SORCS3: variants seen among roughly 807,000 people sequenced by gnomAD.
SORCS3 encodes VPS10 domain-containing receptor SorCS3.
Under a neutral mutation model 146.3 loss-of-function variants are expected in SORCS3, and 57 were observed. The observed-to-expected ratio is 0.39, with a 90% confidence interval of 0.31 to 0.49. SORCS3 has a LOEUF of 0.49. Among genes scored for constraint, SORCS3 ranks in the 20% least tolerant of loss-of-function variants. SORCS3 has a pLI of 0.92. For synonymous variants in SORCS3, 653 were observed against 618.5 expected (o/e 1.06, Z -0.83); for missense variants, 1,341 against 1,575.5 (o/e 0.85, Z 2.52).
At chr10:104,767,290 G>T (rs1436859848) in intron 1 of SORCS3, among the ~76,000 whole-genome samples, 2 of 152,184 alleles carry the variant, frequency 1.3e-5, no homozygotes, top group Non-Finnish European at 2.9e-5. Context: ...AATCTGTGCT[G>T]CAGCAATGGA....
intron 25 of SORCS3, among the ~76,000 whole-genome samples, chr10:105,259,544 C>T (rs149625054): frequency 4.6e-5 from 7 of 152,280 alleles, no homozygotes; most frequent in South Asian, 2.1e-4. Flanking sequence ...CCTGGCCTCT[C>T]GCAGGCTCTC....
intron 1 of SORCS3, among the ~76,000 whole-genome samples, chr10:104,710,170 G>A (rs776765522): frequency 2.0e-5 from 3 of 152,112 alleles, no homozygotes; most frequent in South Asian, 2.1e-4. Flanking sequence ...GACAGCCAAC[G>A]TCTTCCCATC....
intron 4 of SORCS3, among the ~76,000 whole-genome samples, chr10:105,026,015 A>G (rs945750951): frequency 1.3e-5 from 2 of 151,960 alleles, no homozygotes; most frequent in Non-Finnish European, 2.9e-5. Flanking sequence ...TTTCTCTCAA[A>G]CCCAACTTCA....
At chr10:105,243,487 C>T (rs1203957096) in intron 20 of SORCS3, among the ~76,000 whole-genome samples, 1 of 152,154 alleles carries the variant, frequency 6.6e-6, no homozygotes, top group East Asian at 1.9e-4. Flanking sequence ...CTTCTCCAAA[C>T]AGGACCATAA....
intron 3 of SORCS3, among the ~76,000 whole-genome samples, chr10:104,938,286 G>A (rs2133615999): frequency 6.6e-6 from 1 of 152,250 alleles, no homozygotes; most frequent in Middle Eastern, 3.4e-3. Flanking sequence ...AGGGAGGAAT[G>A]TTTTTCAGGG....
chr10:105,212,385 A>C (rs1303657810), intron 17 of SORCS3, among the ~76,000 whole-genome samples: 1 of 152,222 alleles, frequency 6.6e-6, no homozygotes, highest in East Asian at 1.9e-4. Flanking sequence ...GTGGTGTCAG[A>C]GAATAAAGTG....
chr10:104,990,369 A>AT (rs1256210866), intron 4 of SORCS3, among the ~76,000 whole-genome samples: 3 of 151,952 alleles, frequency 2.0e-5, no homozygotes, highest in Non-Finnish European at 4.4e-5. Flanking sequence ...AATGGGTTTT[A>AT]TTTTTTCATC....
chr10:104,735,456 G>GTTTTTTTT (rs56203751), intron 1 of SORCS3, among the ~76,000 whole-genome samples: 684 of 34,924 alleles, frequency 0.02, 116 homozygotes, highest in African/African-American at 0.072. Flanking sequence ...CTCACCGTCT[G>GTTTTTTTT]TTTTTTTTTT....
chr10:105,043,046 G>T lies in SORCS3; in HGVS notation c.955-9G>T, dbSNP rs368885423. ...TTGAGACTTACATTCTCACTTCATT[G>T]TTTTGCAGCTCTACAGCTCCATGGA... On this transcript the variant is annotated splice_polypyrimidine_tract_variant and intron_variant, in intron 4 of 26. Transcript: ENST00000369701. The T allele has an allele frequency of 1.2e-6, 2 of 1,613,162 alleles. No individual in the cohort carries two copies. The highest frequency in any genetic ancestry group is 1.7e-6 in the Non-Finnish European group (2 of 1,179,376).
At chr10:104,682,663 G>A (rs1267410056) in intron 1 of SORCS3, among the ~76,000 whole-genome samples, 1 of 152,172 alleles carries the variant, frequency 6.6e-6, no homozygotes, top group Non-Finnish European at 1.5e-5. Flanking sequence ...AAGAGGTTGG[G>A]GGCTGCTGGT....
chr10:105,223,329 G>T, intron 20 of SORCS3, 80 bp downstream of exon 20: 3 of 1,386,710 alleles, frequency 2.2e-6, no homozygotes, highest in Non-Finnish European at 2.9e-6. Context: ...TCTATTAGGG[G>T]GCACTGAGAA....
At chr10:105,129,331 C>CTTTTT (rs71022753) in intron 7 of SORCS3, among the ~76,000 whole-genome samples, 7 of 104,614 alleles carry the variant, frequency 6.7e-5, no homozygotes, top group African/African-American at 2.7e-4. Flanking sequence ...CTTTCTTTCT[C>CTTTTT]TTTTTTTTTT....
chr10:104,895,449 A>G (rs369064598), intron 2 of SORCS3, among the ~76,000 whole-genome samples: 50 of 152,264 alleles, frequency 3.3e-4, no homozygotes, highest in African/African-American at 1.2e-3. Context: ...AACAACAGGG[A>G]GAAAAAAAGT....
intron 1 of SORCS3, among the ~76,000 whole-genome samples, chr10:104,647,258 C>T (rs1002399591): frequency 2.0e-5 from 3 of 152,178 alleles, no homozygotes; most frequent in Non-Finnish European, 2.9e-5. Context: ...CTCCTGCATT[C>T]TGGCCAGGGC....
At chr10:105,197,816 T>A (rs1321537827) in intron 14 of SORCS3, among the ~76,000 whole-genome samples, 2 of 152,162 alleles carry the variant, frequency 1.3e-5, no homozygotes, top group Non-Finnish European at 2.9e-5. Flanking sequence ...CCTTATTGAG[T>A]CTTGCTTCTG....
At chr10:104,733,572 C>T (rs2491370) in intron 1 of SORCS3, among the ~76,000 whole-genome samples, 65,909 of 146,858 alleles carry the variant, frequency 0.45, 14,889 homozygotes, top group South Asian at 0.54. Context: ...GTTGACCAAA[C>T]GCTTTGAGCC....
chr10:104,695,766 C>A (rs544482043), intron 1 of SORCS3, among the ~76,000 whole-genome samples: 2 of 150,950 alleles, frequency 1.3e-5, no homozygotes, highest in South Asian at 4.2e-4. Context: ...TTTCTAGATC[C>A]GTATATATAG....
rs150152052 is a variant in SORCS3 at position 104,929,961 on chromosome 10, C to T, written c.795+14029C>T. Reference sequence around the variant, plus strand: ...CTCATTAAAGGGACAAAATAAAGGACAGTGACTGATCCTAAAGAAATGGAC... The same window carrying T: ...CTCATTAAAGGGACAAAATAAAGGATAGTGACTGATCCTAAAGAAATGGAC... On this transcript the variant is annotated intron_variant, in intron 3 of 26. Coordinates refer to ENST00000369701, the MANE Select transcript of SORCS3 (RefSeq NM_014978.3). Among the ~76,000 whole-genome samples the T allele has an allele frequency of 3.1e-3, 470 of 152,234 alleles. 4 individuals are homozygous for T. The highest frequency in any genetic ancestry group is 0.01 in the African/African-American group (430 of 41,540).
At chr10:105,263,158 A>C in intron 26 of SORCS3, 152 bp from the exon 27 acceptor site, 2 of 639,794 alleles carry the variant, frequency 3.1e-6, no homozygotes, top group South Asian at 4.2e-5. Flanking sequence ...TAAGTCAGTG[A>C]GCTGATAGGT....
Sources: gnomAD v4.1 joint callset for allele counts (sites outside exome capture counted in the v4.1 genomes callset) on GRCh38, gnomAD v4.1.1 for gene constraint, MANE v1.5 for transcripts, NCBI Gene and HGNC (gene_info 2026-07-23, HGNC 2026-07-21) for gene names.